The following DGKB variants were observed in gnomAD, a reference collection of about 807,000 sequenced individuals.
DGKB encodes the protein diacylglycerol kinase beta.
In DGKB, 67 loss-of-function variants were observed where a neutral mutation model predicts 114.3. The ratio of observed to expected loss-of-function variants is 0.59; its 90% CI spans 0.48 to 0.72. The LOEUF is 0.72. Ranked by LOEUF, DGKB falls within the 30% of genes least tolerant of loss-of-function variation. The pLI, the probability that DGKB is intolerant of heterozygous loss-of-function variation, is 0.00. For missense variants in DGKB, 907 were observed against 975.2 expected, an observed-to-expected ratio of 0.93 and a Z score of 0.93; for synonymous variants, 398 against 323.1, an observed-to-expected ratio of 1.23 and a Z score of -2.49.
intron 23 of DGKB, among the ~76,000 whole-genome samples, chr7:14,228,104 G>C (rs925933691): frequency 6.6e-6 from 1 of 152,038 alleles, no homozygotes; most frequent in African/African-American, 2.4e-5. Context: ...CTTTGACGAT[G>C]AGGGTTATTA....
chr7:14,307,918 A>T (rs977657340), intron 23 of DGKB, among the ~76,000 whole-genome samples: 3 of 152,146 alleles, frequency 2.0e-5, no homozygotes, highest in Non-Finnish European at 4.4e-5. Flanking sequence ...CAATGAATTT[A>T]TCTAAAGATC....
intron 5 of DGKB, among the ~76,000 whole-genome samples, chr7:14,724,433 G>A (rs1829716117): frequency 6.6e-6 from 1 of 152,168 alleles, no homozygotes; most frequent in Non-Finnish European, 1.5e-5. Context: ...AATAGAGATG[G>A]TGATTCCTTA....
At chr7:14,906,997 A>T (rs1188179430), upstream of DGKB, among the ~76,000 whole-genome samples, 1 of 152,228 alleles carries the variant, frequency 6.6e-6, no homozygotes, top group African/African-American at 2.4e-5. Context: ...ATTGCTCAAT[A>T]ATTTAAATCC....
chr7:14,435,737 G>C (rs1371858788), intron 21 of DGKB, among the ~76,000 whole-genome samples: 1 of 151,830 alleles, frequency 6.6e-6, no homozygotes, highest in Non-Finnish European at 1.5e-5. Context: ...AAGTGAAATT[G>C]AATAGTTGGT....
At chr7:14,725,858 A>C (rs568083074) in intron 5 of DGKB, among the ~76,000 whole-genome samples, 2 of 152,184 alleles carry the variant, frequency 1.3e-5, no homozygotes, top group East Asian at 3.9e-4. Context: ...AATATGTTGA[A>C]ATTGAACTTT....
chr7:14,500,450 T>A lies in DGKB; in HGVS notation c.1771-22225A>T, dbSNP rs74738901. ...GGAGTAAGGGTTTAAGATAAGAAAA[T>A]GAACCAAACTAAAAAGTTTCTTTAT... is the stretch of plus-strand genomic sequence containing the variant. On this transcript the variant is annotated intron_variant, in intron 20 of 25. Transcript: ENST00000402815. 2.6e-3 allele frequency among the ~76,000 whole-genome samples: 384 copies of A among 149,960 alleles called. 2 individuals are homozygous for A. The highest frequency in any genetic ancestry group is 8.9e-3 in the African/African-American group (361 of 40,390).
intron 2 of DGKB, among the ~76,000 whole-genome samples, chr7:14,814,596 T>C (rs1307086988): frequency 6.6e-6 from 1 of 152,176 alleles, no homozygotes; most frequent in Non-Finnish European, 1.5e-5. Context: ...TTGGTATCTG[T>C]TACATTCATT....
chr7:14,792,479 G>A (rs199670471), intron 2 of DGKB, among the ~76,000 whole-genome samples: 1 of 152,116 alleles, frequency 6.6e-6, no homozygotes, highest in East Asian at 1.9e-4. Context: ...GTGATAGGCA[G>A]AAGTAAGAAA....
intron 1 of DGKB, among the ~76,000 whole-genome samples, chr7:14,966,022 T>C (rs774292216): frequency 6.6e-5 from 10 of 152,254 alleles, no homozygotes; most frequent in Non-Finnish European, 1.0e-4. Context: ...ACAATAATTT[T>C]ATAAATATTC....
chr7:14,148,033 C>A lies in DGKB; in HGVS notation c.*1098G>T, dbSNP rs547936992. 3.3e-5 allele frequency: 5 copies of A among 152,058 alleles called. No homozygotes were observed. Among genetic ancestry groups the A allele is most frequent in the Admixed American group, 2.0e-4 (3 of 15,246 alleles). 9.4% of individuals were successfully genotyped at this position (152,058 alleles called of 1,614,324 possible). ...CATTTATACTAGAAATAAACTGATACAATCATTTACTTCCTTCAAGTGTAC... is the reference window on the plus strand; with the variant it reads ...CATTTATACTAGAAATAAACTGATAAAATCATTTACTTCCTTCAAGTGTAC... On this transcript the variant is annotated 3_prime_UTR_variant, in exon 26 of 26. Coordinates refer to ENST00000402815, the MANE Select transcript of DGKB (RefSeq NM_001350709.2).
chr7:14,344,353 T>C (rs1812128051), intron 22 of DGKB, among the ~76,000 whole-genome samples: 1 of 151,646 alleles, frequency 6.6e-6, no homozygotes, highest in African/African-American at 2.4e-5. Context: ...TTTGGTATTA[T>C]TAATAACAGC....
chr7:14,921,052 G>A (rs1784489584), intron 1 of DGKB, among the ~76,000 whole-genome samples: 1 of 152,028 alleles, frequency 6.6e-6, no homozygotes, highest in Non-Finnish European at 1.5e-5. Flanking sequence ...TTGTCACCTG[G>A]GTAATGAGCA....
At chr7:14,190,084 G>C (rs1784081898) in intron 23 of DGKB, among the ~76,000 whole-genome samples, 1 of 152,082 alleles carries the variant, frequency 6.6e-6, no homozygotes, top group Non-Finnish European at 1.5e-5. Context: ...TCATCCAACA[G>C]CTTTAGAATA....
intron 9 of DGKB, among the ~76,000 whole-genome samples, chr7:14,689,877 T>G (rs1023468338): frequency 2.6e-5 from 4 of 152,184 alleles, no homozygotes; most frequent in African/African-American, 9.6e-5. Flanking sequence ...CACTGCATAT[T>G]ACTTTACTGA....
chr7:14,771,679 G>GA (rs1279388413), intron 2 of DGKB, among the ~76,000 whole-genome samples: 5 of 151,858 alleles, frequency 3.3e-5, no homozygotes, highest in South Asian at 2.1e-4. Context: ...CATAACTAGG[G>GA]AAAAAATCAA....
At chr7:14,611,648 C>T (rs763356442) in intron 16 of DGKB, among the ~76,000 whole-genome samples, 7 of 151,760 alleles carry the variant, frequency 4.6e-5, no homozygotes, top group Admixed American at 1.3e-4. Flanking sequence ...TAGAAGAGCT[C>T]GAAGTTGAAG....
intron 15 of DGKB, among the ~76,000 whole-genome samples, chr7:14,619,314 G>A (rs1807172675): frequency 6.6e-6 from 1 of 151,476 alleles, no homozygotes; most frequent in South Asian, 2.1e-4. Context: ...CTTCCACAAA[G>A]AATGTTAATC....
intron 2 of DGKB, among the ~76,000 whole-genome samples, chr7:14,804,523 C>A (rs1842568470): frequency 6.6e-6 from 1 of 151,994 alleles, no homozygotes; most frequent in South Asian, 2.1e-4. Flanking sequence ...TCCAGGTCAG[C>A]ACTAGGTGTT....
chr7:14,619,134 T>C (rs1807129179), intron 15 of DGKB, among the ~76,000 whole-genome samples: 1 of 151,564 alleles, frequency 6.6e-6, no homozygotes, highest in Admixed American at 6.6e-5. Context: ...CACATGATTA[T>C]ATACCAACTT....
Sources: gnomAD v4.1 joint callset for allele counts (sites outside exome capture counted in the v4.1 genomes callset) on GRCh38, gnomAD v4.1.1 for gene constraint, MANE v1.5 for transcripts, NCBI Gene and HGNC (gene_info 2026-07-23, HGNC 2026-07-21) for gene names.